The following SGCD variants were observed in gnomAD, a reference collection of about 807,000 sequenced individuals.
The protein encoded by SGCD is delta-sarcoglycan.
A neutral mutation model predicts 36.6 loss-of-function variants in SGCD; 18 were observed. The ratio of observed to expected loss-of-function variants is 0.49; its 90% CI spans 0.34 to 0.73. The LOEUF (loss-of-function observed/expected upper bound fraction) is 0.73. SGCD is among the 30% of genes least tolerant of loss of function. SGCD has a pLI of 0.01. For synonymous variants in SGCD, 133 were observed against 130.6 expected, an observed-to-expected ratio of 1.02 and a Z score of -0.12; for missense variants, 387 against 346.7, an observed-to-expected ratio of 1.12 and a Z score of -0.92.
chr5:156,241,902 C>A (rs1248592176), intron 3 of SGCD, among the ~76,000 whole-genome samples: 1 of 152,236 alleles, frequency 6.6e-6, no homozygotes, highest in East Asian at 1.9e-4. Flanking sequence ...AGGGAGCTAT[C>A]CATGCTTGGG....
the SGCD span, among the ~76,000 whole-genome samples, chr5:155,835,554 A>G: frequency 1.3e-5 from 2 of 152,192 alleles, no homozygotes; most frequent in Admixed American, 1.3e-4. Flanking sequence ...TTAGGTATAC[A>G]GTATGATTTC....
intron 3 of SGCD, among the ~76,000 whole-genome samples, chr5:156,226,502 A>G (rs1289929855): frequency 2.0e-5 from 3 of 152,138 alleles, no homozygotes; most frequent in African/African-American, 7.2e-5. Flanking sequence ...TGATTTTGCA[A>G]TTGTGAATTG....
intron 4 of SGCD, among the ~76,000 whole-genome samples, chr5:156,550,437 C>T (rs1758746021): frequency 6.6e-6 from 1 of 152,210 alleles, no homozygotes; most frequent in Non-Finnish European, 1.5e-5. Context: ...TCTTGTGCCC[C>T]TGCTTACCCA....
At chr5:156,593,602 G>A (rs560505829) in intron 5 of SGCD, among the ~76,000 whole-genome samples, 1 of 152,214 alleles carries the variant, frequency 6.6e-6, no homozygotes, top group East Asian at 1.9e-4. Context: ...ATCCAGGGTA[G>A]AGCCTTATTT....
chr5:156,448,888 G>A (rs1171549668), intron 3 of SGCD, among the ~76,000 whole-genome samples: 2 of 151,576 alleles, frequency 1.3e-5, no homozygotes, highest in African/African-American at 4.8e-5. Context: ...AGCTGGGATT[G>A]CAGGCATGCC....
At chr5:156,059,324 A>G (rs564791218) in intron 1 of SGCD, among the ~76,000 whole-genome samples, 1 of 146,364 alleles carries the variant, frequency 6.8e-6, no homozygotes, top group South Asian at 2.2e-4. Context: ...TTCCTCTGCT[A>G]AGGAAACTTG....
chr5:156,027,571 G>T (rs1446592966), intron 1 of SGCD, among the ~76,000 whole-genome samples: 1 of 151,960 alleles, frequency 6.6e-6, no homozygotes, highest in Admixed American at 6.6e-5. Flanking sequence ...GAGGTGGGGT[G>T]GAAAATCATC....
At chr5:156,548,093 T>A (rs1428018616) in intron 4 of SGCD, among the ~76,000 whole-genome samples, 1 of 152,208 alleles carries the variant, frequency 6.6e-6, no homozygotes. Context: ...TTATGTCCAA[T>A]AGTAGGCACA....
At chr5:156,534,404 G>T (rs1435977802) in intron 4 of SGCD, among the ~76,000 whole-genome samples, 1 of 151,958 alleles carries the variant, frequency 6.6e-6, no homozygotes, top group Non-Finnish European at 1.5e-5. Flanking sequence ...TCATCCTTTT[G>T]TTCATGGCCT....
At chr5:156,092,424 TG>T (rs1761267004) in intron 1 of SGCD, among the ~76,000 whole-genome samples, 1 of 152,200 alleles carries the variant, frequency 6.6e-6, no homozygotes, top group Admixed American at 6.5e-5. Flanking sequence ...AATCAAGGCT[TG>T]CTATTGGTAA....
intron 1 of SGCD, among the ~76,000 whole-genome samples, chr5:155,902,924 A>T (rs1166650062): frequency 6.6e-6 from 1 of 152,232 alleles, no homozygotes; most frequent in African/African-American, 2.4e-5. Context: ...CTAGGACTTT[A>T]TAGATACGAG....
chr5:155,851,451 A>C, the SGCD span, among the ~76,000 whole-genome samples: 2 of 152,134 alleles, frequency 1.3e-5, no homozygotes, highest in Non-Finnish European at 2.9e-5. Context: ...CGAGCAACTC[A>C]TCGTCAGAGG....
intron 3 of SGCD, among the ~76,000 whole-genome samples, chr5:156,161,907 A>G (rs1347587567): frequency 1.3e-5 from 2 of 151,798 alleles, no homozygotes; most frequent in Non-Finnish European, 1.5e-5. Flanking sequence ...CCTCAGTTCC[A>G]TCAGCCTCCC....
intron 3 of SGCD, among the ~76,000 whole-genome samples, chr5:156,297,680 C>T (rs1328772814): frequency 6.6e-6 from 1 of 151,418 alleles, no homozygotes; most frequent in Non-Finnish European, 1.5e-5. Context: ...GGAGATATAC[C>T]TATGCTAGAT....
the SGCD span, among the ~76,000 whole-genome samples, chr5:155,736,589 C>G: frequency 6.6e-6 from 1 of 152,094 alleles, no homozygotes; most frequent in Middle Eastern, 3.2e-3. Flanking sequence ...TGCAAAATTT[C>G]CTGAGTAGGA....
chr5:156,125,973 G>A lies in SGCD; in HGVS notation c.-44+1954G>A, dbSNP rs186659955. Among the ~76,000 whole-genome samples, 1,107 of 151,396 alleles carry A rather than the reference G, an allele frequency of 7.3e-3. 10 individuals are homozygous for A. The highest frequency in any genetic ancestry group is 0.024 in the African/African-American group (1,009 of 41,300). On this transcript the variant is annotated intron_variant, in intron 3 of 9. Transcript: ENST00000517913. Reference sequence around the variant, plus strand: ...GCTCACTGCAACCTCCACCTCCCAGGTACAAGTGATTCTTCTGCCTCAGCC... The same window carrying A: ...GCTCACTGCAACCTCCACCTCCCAGATACAAGTGATTCTTCTGCCTCAGCC...
the SGCD span, among the ~76,000 whole-genome samples, chr5:155,755,573 A>G: frequency 6.6e-6 from 1 of 152,262 alleles, no homozygotes; most frequent in Non-Finnish European, 1.5e-5. Flanking sequence ...GTTGAAAAGG[A>G]CTGGTTCTTG....
At chr5:156,387,952 C>T (rs955317995) in intron 3 of SGCD, among the ~76,000 whole-genome samples, 1 of 152,168 alleles carries the variant, frequency 6.6e-6, no homozygotes, top group Admixed American at 6.5e-5. Context: ...TCTTCCCTTT[C>T]TATTTCAACT....
At chr5:155,756,935 T>G in the SGCD span, among the ~76,000 whole-genome samples, 1 of 152,090 alleles carries the variant, frequency 6.6e-6, no homozygotes, top group Admixed American at 6.5e-5. Flanking sequence ...AGACTTTGAT[T>G]TTGTCTCAGG....
Sources: gnomAD v4.1 joint callset for allele counts (sites outside exome capture counted in the v4.1 genomes callset) on GRCh38, gnomAD v4.1.1 for gene constraint, MANE v1.5 for transcripts, NCBI Gene and HGNC (gene_info 2026-07-23, HGNC 2026-07-21) for gene names.